Variants in HMGB1 observed in about 807,000 individuals in gnomAD.
HMGB1 encodes the protein high mobility group protein B1.
For synonymous variants in HMGB1, 81 were observed against 84.0 expected, an observed-to-expected ratio of 0.96 and a Z score of 0.19; for missense variants, 79 against 253.5, an observed-to-expected ratio of 0.31 and a Z score of 4.67.
At chr13:30,517,198 G>T (rs1442283193) in intron 1 of HMGB1, among the ~76,000 whole-genome samples, 1 of 152,160 alleles carries the variant, frequency 6.6e-6, no homozygotes, top group Non-Finnish European at 1.5e-5. Context: ...CCTGCCACCA[G>T]AATTTCTGAT....
intron 1 of HMGB1, among the ~76,000 whole-genome samples, chr13:30,522,917 C>A (rs545936406): frequency 6.6e-6 from 1 of 152,222 alleles, no homozygotes; most frequent in Admixed American, 6.5e-5. Flanking sequence ...TTTCGCCATA[C>A]TGCCCAGGGT....
At chr13:30,590,575 T>A (rs1183247581) in intron 1 of HMGB1, among the ~76,000 whole-genome samples, 2 of 152,150 alleles carry the variant, frequency 1.3e-5, no homozygotes, top group African/African-American at 4.8e-5. Context: ...GATGTAGAAG[T>A]CAGATGTGAG....
intron 1 of HMGB1, among the ~76,000 whole-genome samples, chr13:30,580,212 A>T (rs145510869): frequency 6.6e-6 from 1 of 152,378 alleles, no homozygotes; most frequent in East Asian, 1.9e-4. Context: ...CTAGTGCAAC[A>T]TCAGAAACAA....
chr13:30,537,687 A>C (rs1183366024), intron 1 of HMGB1, among the ~76,000 whole-genome samples: 4 of 118,868 alleles, frequency 3.4e-5, no homozygotes, highest in African/African-American at 1.4e-4. Context: ...ATATATATAT[A>C]TATATATATA....
intron 1 of HMGB1, among the ~76,000 whole-genome samples, chr13:30,505,118 C>A (rs1040322681): frequency 6.8e-6 from 1 of 147,426 alleles, no homozygotes; most frequent in East Asian, 2.0e-4. Flanking sequence ...CTACAGGCGC[C>A]GCCACCATGC....
At chr13:30,491,931 G>T (rs541826923) in intron 1 of HMGB1, among the ~76,000 whole-genome samples, 1 of 152,330 alleles carries the variant, frequency 6.6e-6, no homozygotes, top group South Asian at 2.1e-4. Flanking sequence ...CACTTTGGGA[G>T]GCCGAGGCGG....
chr13:30,492,041 A>T (rs1195499378), intron 1 of HMGB1, among the ~76,000 whole-genome samples: 1 of 151,856 alleles, frequency 6.6e-6, no homozygotes, highest in Non-Finnish European at 1.5e-5. Flanking sequence ...GGTAGTATGC[A>T]CCTGTAGTCC....
chr13:30,551,972 G>C (rs1488558088), intron 1 of HMGB1, among the ~76,000 whole-genome samples: 1 of 152,146 alleles, frequency 6.6e-6, no homozygotes, highest in East Asian at 1.9e-4. Flanking sequence ...GGGATTCCAG[G>C]TGTGAGCCAC....
chr13:30,510,225 GTATGAGTGATTT>G (rs1887962948), intron 1 of HMGB1, among the ~76,000 whole-genome samples: 1 of 152,152 alleles, frequency 6.6e-6, no homozygotes, highest in South Asian at 2.1e-4. Context: ...AGTATTTGTT[GTATGAGTGATTT>G]TATGAGTGAA....
In HMGB1 at chr13:30,499,558, T is replaced by C. The variant is rs74654518; in HGVS notation, c.-14-35864A>G. 8.4e-3 allele frequency among the ~76,000 whole-genome samples: 1,272 copies of C among 152,334 alleles called. 8 individuals are homozygous for C. The highest frequency in any genetic ancestry group is 0.013 in the Non-Finnish European group (916 of 68,034). On this transcript the variant is annotated intron_variant, in intron 1 of 4. Transcript: ENST00000405805. ...CTCACAGTCTGACCCAACACTGATC[T>C]TTCCATTGTCATGAACATTTCCCAA...
At chr13:30,609,316 T>TA (rs1259861170) in intron 1 of HMGB1, among the ~76,000 whole-genome samples, 4 of 151,946 alleles carry the variant, frequency 2.6e-5, no homozygotes, top group African/African-American at 9.7e-5. Flanking sequence ...TTGGTAAGCG[T>TA]AAGAAAATCT....
chr13:30,586,418 TC>T (rs1871148531), intron 1 of HMGB1, among the ~76,000 whole-genome samples: 1 of 151,908 alleles, frequency 6.6e-6, no homozygotes. Context: ...CTGGGCGATG[TC>T]AATCAGTCCC....
intron 1 of HMGB1, among the ~76,000 whole-genome samples, chr13:30,596,485 T>C (rs562730899): frequency 1.3e-5 from 2 of 152,336 alleles, no homozygotes; most frequent in South Asian, 4.1e-4. Flanking sequence ...CTGGGGTTTC[T>C]GAAAATCTCA....
chr13:30,539,203 G>A (rs147171481), intron 1 of HMGB1, among the ~76,000 whole-genome samples: 99 of 152,292 alleles, frequency 6.5e-4, no homozygotes, highest in African/African-American at 2.3e-3. Context: ...AGCCAGCCCA[G>A]AAGTTTTTTA....
chr13:30,617,544 G>A (rs750663533), exon 1 of HMGB1: 3 of 152,218 alleles, frequency 2.0e-5, no homozygotes, highest in African/African-American at 7.2e-5. Context: ...CGCGGACCAC[G>A]GAACAGCGAC....
rs17074721 is a variant in HMGB1, at chr13:30,559,619, C to T, written c.-15+57052G>A. On this transcript the variant is annotated intron_variant, in intron 1 of 4. Transcript: ENST00000405805. The surrounding 1 kb of genome is among the most constrained non-coding windows in gnomAD (Gnocchi z 6.6). ...ATAGGGAAATCAGTTTTTAAGAAAG[C>T]GGATGGAATTCAGCTGCAAATAGAT... Among the ~76,000 whole-genome samples, 163 of 152,146 alleles carry T rather than the reference C, an allele frequency of 1.1e-3. No homozygotes were observed. The highest frequency in any genetic ancestry group is 7.4e-3 in the Admixed American group (113 of 15,284).
chr13:30,529,241 C>T (rs1888444490), intron 1 of HMGB1, among the ~76,000 whole-genome samples: 1 of 152,030 alleles, frequency 6.6e-6, no homozygotes, highest in Non-Finnish European at 1.5e-5. Context: ...CTCTGCGTGC[C>T]CCCTTTAGGG....
chr13:30,578,442 G>T (rs1398970833), intron 1 of HMGB1, among the ~76,000 whole-genome samples: 6 of 114,424 alleles, frequency 5.2e-5, no homozygotes, highest in Non-Finnish European at 9.8e-5. Flanking sequence ...GTCAGTAAAT[G>T]TTCCACAAAC....
At chr13:30,476,169 GT>G (rs1366109042) in intron 1 of HMGB1, among the ~76,000 whole-genome samples, 1 of 113,876 alleles carries the variant, frequency 8.8e-6, no homozygotes, top group Non-Finnish European at 1.8e-5. Context: ...CTCTCTCTCA[GT>G]TTTTTTATTT....
Sources: allele counts gnomAD v4.1 joint callset (sites outside exome capture counted in the v4.1 genomes callset), GRCh38; gene constraint gnomAD v4.1.1; non-coding constraint Gnocchi (gnomAD v3.1); transcripts MANE v1.5; gene names NCBI Gene and HGNC (gene_info 2026-07-23, HGNC 2026-07-21).